C2orf74: variants seen among roughly 807,000 people sequenced by gnomAD.
C2orf74 encodes the protein DPM1 ER membrane anchor 1, also known as uncharacterized protein C2orf74.
A neutral mutation model predicts 17.9 loss-of-function variants in C2orf74; 14 were observed. The ratio of observed to expected loss-of-function variants is 0.78; its 90% CI spans 0.52 to 1.22. The LOEUF (loss-of-function observed/expected upper bound fraction) is 1.22, where lower values mean the gene tolerates loss of function less well. Ranked by LOEUF, C2orf74 falls within the 50% of genes most tolerant of loss-of-function variation. The probability of loss-of-function intolerance (pLI) is 0.00; values close to 1 mark genes in which losing one functional copy is unlikely to be tolerated. For synonymous variants in C2orf74, 79 were observed against 72.6 expected (o/e 1.09, Z -0.44); for missense variants, 217 against 218.4 (o/e 0.99, Z 0.04).
upstream of C2orf74, among the ~76,000 whole-genome samples, chr2:61,160,418 A>G: frequency 6.6e-6 from 1 of 152,162 alleles, no homozygotes; most frequent in Non-Finnish European, 1.5e-5. Flanking sequence ...TCAGCCTCCC[A>G]AAGTGCTGGG....
intron 1 of C2orf74, among the ~76,000 whole-genome samples, chr2:61,148,879 G>A (rs991049560): frequency 8.5e-5 from 13 of 152,128 alleles, no homozygotes; most frequent in East Asian, 1.9e-4. Context: ...ACCACACCCC[G>A]CTAAGTTTTG....
intron 1 of C2orf74, among the ~76,000 whole-genome samples, chr2:61,146,877 G>A (rs1262175737): frequency 6.6e-6 from 1 of 151,462 alleles, no homozygotes; most frequent in African/African-American, 2.4e-5. Flanking sequence ...GAGGCTGGGT[G>A]TGTGGCTCAC....
chr2:61,153,311 C>G (rs536375307), intron 1 of C2orf74, among the ~76,000 whole-genome samples: 2 of 151,990 alleles, frequency 1.3e-5, no homozygotes. Context: ...GACGGAGTCT[C>G]GCTCAGTCAC....
chr2:61,152,646 C>T (rs527615260), intron 1 of C2orf74, among the ~76,000 whole-genome samples: 138 of 149,284 alleles, frequency 9.2e-4, no homozygotes, highest in African/African-American at 2.5e-3. Flanking sequence ...GTCAGGAGTT[C>T]GAGATCAGCC....
At chr2:61,151,005 C>A (rs752595796) in intron 1 of C2orf74, among the ~76,000 whole-genome samples, 21 of 152,068 alleles carry the variant, frequency 1.4e-4, no homozygotes, top group Non-Finnish European at 2.5e-4. Flanking sequence ...GGGGCAGCCT[C>A]AGCTAGAAAG....
At chr2:61,157,544 G>C (rs1685428279), upstream of C2orf74, among the ~76,000 whole-genome samples, 1 of 152,192 alleles carries the variant, frequency 6.6e-6, no homozygotes, top group Non-Finnish European at 1.5e-5. Context: ...TCACACAGCT[G>C]AAAGTCCAGC....
At chr2:61,159,913 G>A (rs1221590960), upstream of C2orf74, among the ~76,000 whole-genome samples, 1 of 152,184 alleles carries the variant, frequency 6.6e-6, no homozygotes, top group African/African-American at 2.4e-5. Flanking sequence ...CATCACCACT[G>A]TCTGCCTCCA....
intron 1 of C2orf74, among the ~76,000 whole-genome samples, chr2:61,148,163 TTATA>T (rs939059370): frequency 6.8e-6 from 1 of 147,718 alleles, no homozygotes; most frequent in African/African-American, 2.5e-5. Flanking sequence ...TGTATATGTA[TTATA>T]TATATAATAT....
intron 1 of C2orf74, chr2:61,152,181 A>G (rs1685248690): frequency 6.6e-6 from 1 of 152,456 alleles, no homozygotes; most frequent in South Asian, 2.1e-4. Flanking sequence ...GATCCTGCCA[A>G]CACCGGTTTT....
chr2:61,162,575 A>T lies in C2orf74; in HGVS notation c.61A>T (p.Ile21Phe). 6.4e-7 allele frequency: 1 copy of T among 1,551,128 alleles called. No homozygotes were observed. Among genetic ancestry groups the T allele is most frequent in the South Asian group, 1.2e-5 (1 of 84,016 alleles). The part of the protein sequence containing the change: ...FIILLICLIC[I>F]LLLLVVFLYK... ...CATCCTTCTAATTTGCCTCATTTGC[A>T]TCCTCCTCTTATTGGTGGTTTTTTT... The change falls in exon 2 of 5, where the codon ATC (isoleucine) becomes TTC (phenylalanine). Residue 21 changes from isoleucine to phenylalanine, a missense_variant. Ile to Phe is a conservative substitution (Grantham distance 21). Transcript: ENST00000432605.
chr2:61,147,807 GC>G (rs1443134306), intron 1 of C2orf74, among the ~76,000 whole-genome samples: 2 of 151,720 alleles, frequency 1.3e-5, no homozygotes, highest in Non-Finnish European at 2.9e-5. Context: ...TTGCTCTGTC[GC>G]CCAGGCTGGA....
At chr2:61,153,140 C>G (rs1573710158) in intron 1 of C2orf74, among the ~76,000 whole-genome samples, 1 of 141,934 alleles carries the variant, frequency 7.0e-6, no homozygotes, top group African/African-American at 2.6e-5. Context: ...AAGAGCAAAA[C>G]TCCGTCTCCA....
chr2:61,158,130 C>T, upstream of C2orf74: 2 of 395,736 alleles, frequency 5.1e-6, no homozygotes, highest in South Asian at 3.7e-5. Context: ...CCCCTGCTCC[C>T]CCATCTTCTG....
chr2:61,164,379 C>T lies in C2orf74; in HGVS notation c.416C>T (p.Thr139Ile), dbSNP rs1298367160. The T allele has an allele frequency of 9.0e-6, 14 of 1,547,726 alleles. No homozygotes were observed. Among genetic ancestry groups the T allele is most frequent in the Non-Finnish European group, 1.1e-5 (13 of 1,145,814 alleles). Residue 139 changes from threonine to isoleucine, a missense_variant, in exon 5 of 5, where the codon ACA (threonine) becomes ATA (isoleucine). By Grantham distance (89) the Thr-to-Ile change is moderately conservative. Coordinates refer to ENST00000432605, the MANE Select transcript of C2orf74 (RefSeq NM_001143959.4). ...GATGATGGTTTGCAGAAAATACACA[C>T]ATCTGTCACTAGAACTCCTTCAGTT... Reference protein sequence around the residue: ...EEDDGLQKIHTSVTRTPSVVE... With the variant: ...EEDDGLQKIHISVTRTPSVVE...
rs144213192 is a variant in C2orf74 at position 61,149,066 on chromosome 2, G to A, written c.-122+3870G>A. 4.8e-3 allele frequency among the ~76,000 whole-genome samples: 737 copies of A among 152,204 alleles called. 5 individuals carry two copies. Among genetic ancestry groups the A allele is most frequent in the African/African-American group, 0.017 (696 of 41,536 alleles). ...TCCTCCACAATCTGTCTAACCTCCT[G>A]GTACAAACATGAGCGCAGATGAGCT... On this transcript the variant is annotated intron_variant, in intron 1 of 3. Coordinates refer to the C2orf74 transcript ENST00000426997.
At chr2:61,149,250 G>GT (rs1322681521) in intron 1 of C2orf74, among the ~76,000 whole-genome samples, 52 of 152,280 alleles carry the variant, frequency 3.4e-4, no homozygotes, top group African/African-American at 1.2e-3. Context: ...AGTGAGTGTG[G>GT]TTTTCTCCAG....
chr2:61,154,246 A>G (rs2103622632), intron 1 of C2orf74, among the ~76,000 whole-genome samples: 1 of 152,254 alleles, frequency 6.6e-6, no homozygotes, highest in East Asian at 1.9e-4. Flanking sequence ...AAAAAAAAAA[A>G]AAAAAAAATT....
chr2:61,146,663 G>A (rs531936467), intron 1 of C2orf74, among the ~76,000 whole-genome samples: 6 of 152,138 alleles, frequency 3.9e-5, no homozygotes, highest in East Asian at 1.9e-4. Context: ...GTGAAACCCC[G>A]TCTCTACTAA....
intron 1 of C2orf74, among the ~76,000 whole-genome samples, chr2:61,148,097 G>C (rs145122045): frequency 7.5e-5 from 11 of 147,442 alleles, no homozygotes; most frequent in African/African-American, 2.2e-4. Flanking sequence ...CTTTGGAAAG[G>C]AATATATATG....
Sources: allele counts gnomAD v4.1 joint callset (sites outside exome capture counted in the v4.1 genomes callset), GRCh38; gene constraint gnomAD v4.1.1; transcripts MANE v1.5; gene names NCBI Gene and HGNC (gene_info 2026-07-23, HGNC 2026-07-21).